Variants in CYRIA observed in about 807,000 individuals in gnomAD.
The protein encoded by CYRIA is CYFIP-related Rac1 interactor A.
A neutral mutation model predicts 43.9 loss-of-function variants in CYRIA; 15 were observed. The observed-to-expected ratio is 0.34, with a 90% CI of 0.23 to 0.53. CYRIA has a LOEUF of 0.53. Ranked by LOEUF, CYRIA falls within the 20% of genes least tolerant of loss-of-function variation. The probability of loss-of-function intolerance (pLI) is 0.94; values close to 1 mark genes in which losing one functional copy is unlikely to be tolerated. For missense variants in CYRIA, 236 were observed against 394.2 expected (o/e 0.60, Z 3.40); for synonymous variants, 117 against 136.0 (o/e 0.86, Z 0.97).
At chr2:16,656,338 A>G (rs1198708707) in intron 1 of CYRIA, among the ~76,000 whole-genome samples, 4 of 152,026 alleles carry the variant, frequency 2.6e-5, no homozygotes, top group Non-Finnish European at 4.4e-5. Flanking sequence ...TTCCAACCAC[A>G]CACATCCATT....
chr2:16,616,792 T>C (rs948842039), intron 2 of CYRIA, among the ~76,000 whole-genome samples: 3 of 152,218 alleles, frequency 2.0e-5, no homozygotes, highest in Admixed American at 1.3e-4. Flanking sequence ...TTCCAAATGC[T>C]TGCCTGTATT....
At chr2:16,624,554 C>A (rs1476615937) in intron 1 of CYRIA, among the ~76,000 whole-genome samples, 1 of 152,142 alleles carries the variant, frequency 6.6e-6, no homozygotes, top group Non-Finnish European at 1.5e-5. Flanking sequence ...AACACAGTGA[C>A]ACAGTGGGGA....
At chr2:16,578,601 C>A in intron 3 of CYRIA, among the ~76,000 whole-genome samples, 1 of 151,970 alleles carries the variant, frequency 6.6e-6, no homozygotes. Flanking sequence ...AAGGGAAATG[C>A]TAAAAATGAA....
At chr2:16,616,123 G>A (rs978535979) in intron 2 of CYRIA, among the ~76,000 whole-genome samples, 1 of 152,158 alleles carries the variant, frequency 6.6e-6, no homozygotes, top group African/African-American at 2.4e-5. Flanking sequence ...ACACAGAAGA[G>A]GCCTGTGCTC....
At chr2:16,657,853 C>T (rs764872672) in intron 1 of CYRIA, among the ~76,000 whole-genome samples, 28 of 152,128 alleles carry the variant, frequency 1.8e-4, no homozygotes, top group Non-Finnish European at 3.7e-4. Flanking sequence ...GAGTGTAATA[C>T]ATAAAAGTTA....
chr2:16,663,255 G>A (rs568102355), intron 1 of CYRIA, among the ~76,000 whole-genome samples: 15 of 152,320 alleles, frequency 9.8e-5, no homozygotes, highest in African/African-American at 3.6e-4. Context: ...TGGCCAGTAG[G>A]ATAGATGCTG....
intron 2 of CYRIA, among the ~76,000 whole-genome samples, chr2:16,599,876 T>C (rs963583676): frequency 1.3e-5 from 2 of 152,148 alleles, no homozygotes; most frequent in African/African-American, 4.8e-5. Context: ...CCTGCCTTAG[T>C]TTCCCAAGAA....
intron 1 of CYRIA, among the ~76,000 whole-genome samples, chr2:16,628,655 A>C (rs1669235029): frequency 6.6e-6 from 1 of 152,236 alleles, no homozygotes; most frequent in Non-Finnish European, 1.5e-5. Flanking sequence ...TGCTGGGACA[A>C]CAGGCAGACA....
intron 1 of CYRIA, among the ~76,000 whole-genome samples, chr2:16,626,273 C>T (rs1004971606): frequency 6.6e-6 from 1 of 152,124 alleles, no homozygotes; most frequent in Non-Finnish European, 1.5e-5. Flanking sequence ...CTCCAGCGGG[C>T]CCCCTGTACT....
chr2:16,612,297 C>T (rs1668631697), intron 2 of CYRIA, among the ~76,000 whole-genome samples: 1 of 148,594 alleles, frequency 6.7e-6, no homozygotes, highest in African/African-American at 2.5e-5. Context: ...GAAAGGAGGG[C>T]ATGTGGATGG....
chr2:16,584,576 C>A (rs1667659559), intron 3 of CYRIA, among the ~76,000 whole-genome samples: 1 of 152,162 alleles, frequency 6.6e-6, no homozygotes. Flanking sequence ...GAGGTAAGCC[C>A]CAGTGCTGGA....
chr2:16,659,957 T>C (rs1264137859), intron 1 of CYRIA, among the ~76,000 whole-genome samples: 4 of 152,052 alleles, frequency 2.6e-5, no homozygotes, highest in Non-Finnish European at 5.9e-5. Flanking sequence ...TCTGCTTGTC[T>C]CTTCCCACTG....
chr2:16,657,142 G>C (rs895902975), intron 1 of CYRIA, among the ~76,000 whole-genome samples: 1 of 152,170 alleles, frequency 6.6e-6, no homozygotes, highest in African/African-American at 2.4e-5. Context: ...TAGAAACTCA[G>C]TTCCTAGGGG....
chr2:16,663,066 A>G (rs1430208165), intron 1 of CYRIA, among the ~76,000 whole-genome samples: 1 of 152,224 alleles, frequency 6.6e-6, no homozygotes, highest in East Asian at 1.9e-4. Flanking sequence ...TCTAACCCTG[A>G]GATTTTATAG....
intron 1 of CYRIA, among the ~76,000 whole-genome samples, chr2:16,635,994 G>C (rs931010845): frequency 2.6e-5 from 4 of 152,080 alleles, no homozygotes; most frequent in African/African-American, 9.7e-5. Context: ...TGGCAAGCAC[G>C]GGGAACTGCA....
intron 2 of CYRIA, among the ~76,000 whole-genome samples, chr2:16,604,632 T>C (rs1668326896): frequency 6.6e-6 from 1 of 152,242 alleles, no homozygotes; most frequent in South Asian, 2.1e-4. Context: ...ATACTTCTCA[T>C]CTAAAGGTAC....
At chr2:16,614,473 G>A (rs183838503) in intron 2 of CYRIA, among the ~76,000 whole-genome samples, 37 of 152,278 alleles carry the variant, frequency 2.4e-4, no homozygotes, top group African/African-American at 8.2e-4. Context: ...TTCCCCTGTC[G>A]TCGGGGTTCC....
chr2:16,583,535 A>G (rs896209158), intron 3 of CYRIA, among the ~76,000 whole-genome samples: 10 of 152,168 alleles, frequency 6.6e-5, no homozygotes, highest in Admixed American at 6.5e-4. Context: ...GATGTTTCTA[A>G]TGATCATTTC....
Position 16,561,243 on chromosome 2 carries a change from G to A in CYRIA, c.548C>T (p.Ala183Val), listed in dbSNP as rs1273307780. ...DIENEVNNEMANRMSLFYAEA... is the reference protein window; with the variant it reads ...DIENEVNNEMVNRMSLFYAEA... ...TGCATAGAAGAGGGACATTCGATTG[G>A]CCATCTCATTATTGACTTCATTCTC... Residue 183 changes from alanine to valine, a missense_variant, in exon 8 of 12, where the codon GCC (alanine) becomes GTC (valine). Around this residue, in one of 3 missense-constraint regions of CYRIA, gnomAD observed 193 missense variants for 303.9 expected, o/e 0.64. Coordinates refer to ENST00000381323, the MANE Select transcript of CYRIA (RefSeq NM_030797.4). 6.2e-7 allele frequency: 1 copy of A among 1,613,290 alleles called. No individual in the cohort carries two copies. The highest frequency in any genetic ancestry group is 8.5e-7 in the Non-Finnish European group (1 of 1,179,460).
Sources: gnomAD v4.1 joint callset for allele counts (sites outside exome capture counted in the v4.1 genomes callset) on GRCh38, gnomAD v4.1.1 for gene constraint, gnomAD v4.1.1 regional missense constraint, MANE v1.5 for transcripts, NCBI Gene and HGNC (gene_info 2026-07-23, HGNC 2026-07-21) for gene names.